Variants in KCNIP4 observed in about 807,000 individuals in gnomAD.
KCNIP4 encodes Kv channel-interacting protein 4.
KCNIP4 carries 12 observed loss-of-function variants against 34.0 expected under a neutral mutation model. The ratio of observed to expected loss-of-function variants is 0.35; its 90% CI spans 0.23 to 0.57. The LOEUF (loss-of-function observed/expected upper bound fraction) is 0.57. Ranked by LOEUF, KCNIP4 falls within the 20% of genes least tolerant of loss-of-function variation. The pLI, the probability that KCNIP4 is intolerant of heterozygous loss-of-function variation, is 0.83. For synonymous variants in KCNIP4, 124 were observed against 102.2 expected, an observed-to-expected ratio of 1.21 and a Z score of -1.29; for missense variants, 238 against 311.7, an observed-to-expected ratio of 0.76 and a Z score of 1.78.
intron 1 of KCNIP4, among the ~76,000 whole-genome samples, chr4:21,476,049 T>C (rs1730933341): frequency 6.6e-6 from 1 of 152,210 alleles, no homozygotes; most frequent in Non-Finnish European, 1.5e-5. Context: ...TTCTGCCTTC[T>C]AGATTAATTA....
chr4:21,578,195 G>A (rs191392239), intron 1 of KCNIP4, among the ~76,000 whole-genome samples: 3 of 151,924 alleles, frequency 2.0e-5, no homozygotes, highest in Admixed American at 6.6e-5. Context: ...TTAGCCGGGC[G>A]TGGTAGCGGG....
intron 1 of KCNIP4, among the ~76,000 whole-genome samples, chr4:21,199,812 C>T (rs1247348171): frequency 2.0e-5 from 3 of 151,492 alleles, no homozygotes; most frequent in Non-Finnish European, 2.9e-5. Context: ...CAATGATAGA[C>T]TGGATTAAGA....
At chr4:21,392,784 C>G (rs1722673749) in intron 1 of KCNIP4, among the ~76,000 whole-genome samples, 1 of 152,140 alleles carries the variant, frequency 6.6e-6, no homozygotes, top group Non-Finnish European at 1.5e-5. Flanking sequence ...TAAATTTGAA[C>G]AGAGATGGAT....
At chr4:21,039,783 C>T (rs1364012300) in intron 1 of KCNIP4, among the ~76,000 whole-genome samples, 1 of 152,136 alleles carries the variant, frequency 6.6e-6, no homozygotes, top group Non-Finnish European at 1.5e-5. Flanking sequence ...TTTAGATCCT[C>T]AATAAATGCT....
intron 1 of KCNIP4, among the ~76,000 whole-genome samples, chr4:20,994,191 G>T (rs1206118044): frequency 6.6e-6 from 1 of 152,068 alleles, no homozygotes; most frequent in African/African-American, 2.4e-5. Context: ...CAATTCCTGG[G>T]TTTAGGATAT....
intron 1 of KCNIP4, among the ~76,000 whole-genome samples, chr4:20,914,519 A>G (rs980238883): frequency 2.0e-5 from 3 of 152,204 alleles, no homozygotes; most frequent in African/African-American, 7.2e-5. Flanking sequence ...ACTGTGGGAA[A>G]TAAATTTCTG....
At chr4:21,618,910 G>C (rs1281109193) in intron 1 of KCNIP4, among the ~76,000 whole-genome samples, 1 of 151,932 alleles carries the variant, frequency 6.6e-6, no homozygotes, top group Admixed American at 6.6e-5. Context: ...TGGGATAAGA[G>C]ACATGAGCCA....
chr4:20,915,305 G>C (rs905145598), intron 1 of KCNIP4, among the ~76,000 whole-genome samples: 1 of 152,162 alleles, frequency 6.6e-6, no homozygotes, highest in African/African-American at 2.4e-5. Context: ...TACTCAGCAG[G>C]AGTGCAAAGC....
intron 5 of KCNIP4, among the ~76,000 whole-genome samples, chr4:20,747,927 A>G (rs1752713933): frequency 6.6e-6 from 1 of 152,144 alleles, no homozygotes; most frequent in Non-Finnish European, 1.5e-5. Context: ...CTTTTCTTTT[A>G]AACATGACAG....
intron 4 of KCNIP4, among the ~76,000 whole-genome samples, chr4:20,755,864 A>G (rs560084143): frequency 6.6e-6 from 1 of 152,026 alleles, no homozygotes; most frequent in East Asian, 1.9e-4. Flanking sequence ...TGGGATGGCA[A>G]GGGGGCCACT....
intron 3 of KCNIP4, among the ~76,000 whole-genome samples, chr4:20,781,055 G>T (rs1406370019): frequency 6.6e-6 from 1 of 151,976 alleles, no homozygotes; most frequent in African/African-American, 2.4e-5. Context: ...ATTTTTCTTT[G>T]TTATTGTTTT....
At chr4:21,092,938 C>T (rs4574406) in intron 1 of KCNIP4, among the ~76,000 whole-genome samples, 1 of 152,086 alleles carries the variant, frequency 6.6e-6, no homozygotes, top group African/African-American at 2.4e-5. Flanking sequence ...GTATTTGATA[C>T]AAGGTAAAAT....
At chr4:21,785,004 G>A (rs955795591) in intron 1 of KCNIP4, among the ~76,000 whole-genome samples, 31 of 152,080 alleles carry the variant, frequency 2.0e-4, no homozygotes, top group African/African-American at 7.5e-4. Context: ...TATATTACTG[G>A]CTGTCCCCAC....
chr4:21,881,905 C>G (rs1049881020), intron 1 of KCNIP4, among the ~76,000 whole-genome samples: 1 of 152,096 alleles, frequency 6.6e-6, no homozygotes, highest in African/African-American at 2.4e-5. Context: ...GGACCTGCCA[C>G]TCTCATTTAC....
At chr4:21,592,126 C>A (rs1742270173) in intron 1 of KCNIP4, among the ~76,000 whole-genome samples, 1 of 151,876 alleles carries the variant, frequency 6.6e-6, no homozygotes, top group Non-Finnish European at 1.5e-5. Context: ...AAGTCATTGA[C>A]AGAGAGAAGC....
At chr4:21,469,440 T>A (rs1004247944) in intron 1 of KCNIP4, among the ~76,000 whole-genome samples, 1 of 152,182 alleles carries the variant, frequency 6.6e-6, no homozygotes, top group Non-Finnish European at 1.5e-5. Context: ...CAGAGTAAAT[T>A]TTTTCAAGGG....
At chr4:21,798,021 G>GC (rs1720731754) in intron 1 of KCNIP4, among the ~76,000 whole-genome samples, 1 of 151,882 alleles carries the variant, frequency 6.6e-6, no homozygotes, top group Non-Finnish European at 1.5e-5. Flanking sequence ...TTTTCAGATT[G>GC]CCCCCCACTC....
chr4:21,519,734 A>ATATACACACGTGTG lies in KCNIP4; in HGVS notation c.61+428836_61+428837insCACACGTGTGTATA, dbSNP rs1560481046. 1.7e-4 allele frequency among the ~76,000 whole-genome samples: 20 copies of ATATACACACGTGTG among 115,774 alleles called. No individual in the cohort carries two copies. In the East Asian group the frequency reaches 3.2e-3, roughly 18 times the overall value. 76.0% of individuals were successfully genotyped at this position (115,774 alleles called of 152,430 possible). On this transcript the variant is annotated intron_variant, in intron 1 of 8. Transcript: ENST00000382152. The stretch of plus-strand genomic sequence containing the variant: ...TGTGTATATATACACACGTGTGTAT[A>ATATACACACGTGTG]TGTATGATACACACGTGTGTGTATG...
At chr4:20,752,825 C>T (rs1051520626) in intron 4 of KCNIP4, 19 of 152,156 alleles carry the variant, frequency 1.2e-4, no homozygotes, top group African/African-American at 4.3e-4. Context: ...GAGAAACTGT[C>T]TACAAAAGCA....
Sources: gnomAD v4.1 joint callset for allele counts (sites outside exome capture counted in the v4.1 genomes callset) on GRCh38, gnomAD v4.1.1 for gene constraint, MANE v1.5 for transcripts, NCBI Gene and HGNC (gene_info 2026-07-23, HGNC 2026-07-21) for gene names.